ZNF783: variants seen among roughly 807,000 people sequenced by gnomAD.
ZNF783 encodes protein ZNF783.
In ZNF783, 25 loss-of-function variants were observed where a neutral mutation model predicts 31.3. The ratio of observed to expected loss-of-function variants is 0.80; its 90% CI spans 0.58 to 1.11. ZNF783 has a LOEUF of 1.11. ZNF783 is among the 50% of genes most tolerant of loss of function. The probability of loss-of-function intolerance (pLI) is 0.00; values close to 1 mark genes in which losing one functional copy is unlikely to be tolerated. For synonymous variants in ZNF783, 369 were observed against 319.1 expected (o/e 1.16, Z -1.66); for missense variants, 797 against 760.0 (o/e 1.05, Z -0.57).
intron 4 of ZNF783, chr7:149,276,653 T>TTTTATTTATTTATTTATTTATTTATTTA (rs10701540): frequency 5.3e-6 from 4 of 751,186 alleles, no homozygotes; most frequent in African/African-American, 1.9e-5. Flanking sequence ...TTGGGTTACT[T>TTTTATTTATTTATTTATTTATTTATTTA]TTTATTTATT....
In ZNF783 at chr7:149,282,170, G is replaced by T; in HGVS notation, c.1468G>T (p.Gly490Cys). ...DLFRHQRIHT[G>C]ERPYQCPQCG... Reference sequence around the variant, plus strand: ...CTTCCGGCACCAGCGCATCCACACCGGTGAGCGGCCCTACCAGTGCCCCCA... The same window carrying T: ...CTTCCGGCACCAGCGCATCCACACCTGTGAGCGGCCCTACCAGTGCCCCCA... Residue 490 changes from glycine to cysteine, a missense_variant, in exon 6 of 6, where the codon GGT becomes TGT. Coordinates refer to ENST00000434415, the MANE Select transcript of ZNF783 (RefSeq NM_001195220.2). 1.2e-6 allele frequency: 2 copies of T among 1,601,092 alleles called. No homozygotes were observed. Among genetic ancestry groups the T allele is most frequent in the South Asian group, 2.2e-5 (2 of 91,064 alleles).
intron 4 of ZNF783, among the ~76,000 whole-genome samples, chr7:149,271,733 G>A (rs1797215726): frequency 6.6e-6 from 1 of 152,266 alleles, no homozygotes; most frequent in African/African-American, 2.4e-5. Context: ...TAATCATCTT[G>A]ATTCCTTTCT....
chr7:149,277,758 C>G (rs1309241375), intron 4 of ZNF783: 1 of 142,088 alleles, frequency 7.0e-6, no homozygotes, highest in East Asian at 2.1e-4. Flanking sequence ...AAAAAAAATT[C>G]AAAAAAAAAA....
intron 1 of ZNF783, 26 bp downstream of exon 1, chr7:149,262,383 C>T (rs1796945877): frequency 7.9e-7 from 1 of 1,259,084 alleles, no homozygotes; most frequent in Non-Finnish European, 1.0e-6. Flanking sequence ...CCCGCGGACG[C>T]CCGGAAGGCC....
At chr7:149,275,993 GAT>G (rs1366205112) in intron 4 of ZNF783, 1 of 152,096 alleles carries the variant, frequency 6.6e-6, no homozygotes, top group Non-Finnish European at 1.5e-5. Flanking sequence ...GGGCTCAGGT[GAT>G]CCTCCCACCT....
intron 1 of ZNF783, among the ~76,000 whole-genome samples, chr7:149,262,879 AAGAG>A (rs1371867399): frequency 6.6e-6 from 1 of 152,266 alleles, no homozygotes; most frequent in East Asian, 1.9e-4. Context: ...TGTCGTTTAC[AAGAG>A]AGATAGTAGA....
chr7:149,280,906 G>T (rs192762681), intron 5 of ZNF783, among the ~76,000 whole-genome samples: 41 of 152,360 alleles, frequency 2.7e-4, no homozygotes, highest in Non-Finnish European at 5.0e-4. Context: ...AGTTGAGTGA[G>T]ACTCACACAG....
At chr7:149,276,917 C>T (rs1407395699) in intron 4 of ZNF783, among the ~76,000 whole-genome samples, 14 of 151,678 alleles carry the variant, frequency 9.2e-5, no homozygotes, top group Admixed American at 1.3e-4. Flanking sequence ...GGCGCGATCT[C>T]GGCTCACTGC....
chr7:149,262,427 T>C, intron 1 of ZNF783, 70 bp downstream of exon 1: 1 of 1,171,764 alleles, frequency 8.5e-7, no homozygotes, highest in Non-Finnish European at 1.1e-6. Flanking sequence ...CGCGAGGGAC[T>C]CTGGCCGCGC....
At chr7:149,275,285 G>A (rs1585616127) in intron 4 of ZNF783, among the ~76,000 whole-genome samples, 1 of 149,980 alleles carries the variant, frequency 6.7e-6, no homozygotes, top group Non-Finnish European at 1.5e-5. Flanking sequence ...GTTCTAATAG[G>A]TTTTTTTGAT....
At chr7:149,266,302 C>G in intron 1 of ZNF783, 33 bp from the exon 2 acceptor site, 1 of 1,502,714 alleles carries the variant, frequency 6.7e-7, no homozygotes, top group Non-Finnish European at 8.8e-7. Context: ...GTATAATTCT[C>G]ATAACATCTC....
chr7:149,278,438 G>T lies in ZNF783; in HGVS notation c.713G>T (p.Ser238Ile), dbSNP rs368322550. 2 of 1,599,206 alleles carry T rather than the reference G, an allele frequency of 1.3e-6. No homozygotes were observed. The highest frequency in any genetic ancestry group is 1.7e-6 in the Non-Finnish European group (2 of 1,179,764). ...CCAGAGCACCTCACCAGCCCACTTA[G>T]CCCTGCCCAGGAGGAGCTGAAAGAA... ...PYPEHLTSPLSPAQEELKEGQ... is the reference protein window; with the variant it reads ...PYPEHLTSPLIPAQEELKEGQ... Residue 238 changes from serine (S) to isoleucine (I), a missense_variant, in exon 5 of 6, where the codon AGC becomes ATC. By Grantham distance (142) the Ser-to-Ile change is moderately radical (BLOSUM62 -2). Transcript: ENST00000434415.
chr7:149,262,207 C>G lies in ZNF783; in HGVS notation c.-127C>G, dbSNP rs1166850564. Reference sequence around the variant, plus strand: ...GGGGCACGTGGCTCGGGACGCAGTTCGCTGCCGCCCGGCAGTAGCTCTCAG... The same window carrying G: ...GGGGCACGTGGCTCGGGACGCAGTTGGCTGCCGCCCGGCAGTAGCTCTCAG... On this transcript the variant is annotated 5_prime_UTR_variant, in exon 1 of 6. Transcript: ENST00000434415. 8.1e-6 allele frequency: 7 copies of G among 865,730 alleles called. No individual in the cohort carries two copies. Among genetic ancestry groups the G allele is most frequent in the African/African-American group, 1.8e-5 (1 of 55,332 alleles). The allele number at this position is 865,730 out of a possible 1,614,324, so 53.6% of individuals were successfully genotyped here.
At position 149,281,722 on chromosome 7, in the gene ZNF783, C is replaced by A. The variant is rs1223621623; in HGVS notation, c.1020C>A (p.Val340=). The stretch of plus-strand genomic sequence containing the variant: ...GGGCCAGTGGGGAGACGCCCCGAGT[C>A]CTCTCCCGCAGGCGGCAGCGGGCAT... ...PPGASGETPR[V]LSRRRQRAFP... Residue 340 remains valine (V), a synonymous_variant, in exon 6 of 6, where the codon GTC becomes GTA. Coordinates refer to ENST00000434415, the MANE Select transcript of ZNF783 (RefSeq NM_001195220.2). 1 of 1,484,668 alleles carries A rather than the reference C, an allele frequency of 6.7e-7. No individual in the cohort carries two copies. Among genetic ancestry groups the A allele is most frequent in the African/African-American group, 1.4e-5 (1 of 69,966 alleles). The allele number at this position is 1,484,668 out of a possible 1,614,324, so 92.0% of individuals were successfully genotyped here.
At chr7:149,273,267 G>A (rs140611467) in intron 4 of ZNF783, among the ~76,000 whole-genome samples, 201 of 152,254 alleles carry the variant, frequency 1.3e-3, no homozygotes, top group African/African-American at 4.7e-3. Context: ...GTATTACTTA[G>A]CAGTGGGGTT....
intron 4 of ZNF783, among the ~76,000 whole-genome samples, chr7:149,270,553 G>T (rs749404202): frequency 6.6e-6 from 1 of 152,176 alleles, no homozygotes; most frequent in Non-Finnish European, 1.5e-5. Flanking sequence ...TTTTTCCTGA[G>T]TTAAGTTATT....
chr7:149,281,614 G>A lies in ZNF783; in HGVS notation c.912G>A (p.Gly304=). 2 of 1,549,138 alleles carry A rather than the reference G, an allele frequency of 1.3e-6. No homozygotes were observed. Among genetic ancestry groups the A allele is most frequent in the East Asian group, 2.4e-5 (1 of 42,140 alleles). The change falls in exon 6 of 6, where the codon GGG becomes GGA. Residue 304 remains glycine (G), a synonymous_variant. Transcript: ENST00000434415. Reference sequence around the variant, plus strand: ...AGACCGAGTGTAGAATCCCCCGAGGGCCCAGGAACAGGCCTGGGGGCCCCA... The same window carrying A: ...AGACCGAGTGTAGAATCCCCCGAGGACCCAGGAACAGGCCTGGGGGCCCCA... The part of the protein sequence containing the change: ...RGQTECRIPR[G]PRNRPGGPSR...
At chr7:149,277,638 G>A (rs1797363271) in intron 4 of ZNF783, among the ~76,000 whole-genome samples, 1 of 151,678 alleles carries the variant, frequency 6.6e-6, no homozygotes, top group Non-Finnish European at 1.5e-5. Flanking sequence ...TACTTGGGAG[G>A]CTGAGGCAGA....
intron 4 of ZNF783, chr7:149,276,402 A>T: frequency 1.0e-6 from 1 of 987,678 alleles, no homozygotes; most frequent in Non-Finnish European, 1.2e-6. Context: ...AATTTTTAGG[A>T]TCTGCTGATG....
Sources: allele counts gnomAD v4.1 joint callset (sites outside exome capture counted in the v4.1 genomes callset), GRCh38; gene constraint gnomAD v4.1.1; transcripts MANE v1.5; gene names NCBI Gene and HGNC (gene_info 2026-07-23, HGNC 2026-07-21).